The following PWWP2A variants were observed in gnomAD, a reference collection of about 807,000 sequenced individuals.
PWWP2A encodes the protein PWWP domain containing 2A, also known as PWWP domain-containing protein 2A.
A neutral mutation model predicts 48.5 loss-of-function variants in PWWP2A; 18 were observed. That is an observed-to-expected ratio of 0.37 (90% confidence interval 0.26 to 0.55). The LOEUF is 0.55. Among genes scored for constraint, PWWP2A ranks in the 20% least tolerant of loss-of-function variants. The probability of loss-of-function intolerance (pLI) is 0.81; values close to 1 mark genes in which losing one functional copy is unlikely to be tolerated. For missense variants in PWWP2A, 867 were observed against 976.4 expected (o/e 0.89, Z 1.49); for synonymous variants, 396 against 387.7 (o/e 1.02, Z -0.25).
chr5:160,110,796 T>G (rs2431741), intron 1 of PWWP2A, among the ~76,000 whole-genome samples: 1 of 149,840 alleles, frequency 6.7e-6, no homozygotes, highest in South Asian at 2.1e-4. Flanking sequence ...TTTTGGGAGG[T>G]CAAGGCAAGC....
chr5:160,088,327 A>G (rs557680057), downstream of PWWP2A, among the ~76,000 whole-genome samples: 18 of 152,020 alleles, frequency 1.2e-4, no homozygotes, highest in Admixed American at 1.2e-3. Context: ...CAGCCTCTCG[A>G]GTTCAAGCAA....
At chr5:160,075,268 T>G (rs1260498052), downstream of PWWP2A, among the ~76,000 whole-genome samples, 1 of 152,200 alleles carries the variant, frequency 6.6e-6, no homozygotes, top group African/African-American at 2.4e-5. Flanking sequence ...TTACACTCAT[T>G]TAAATAAACT....
downstream of PWWP2A, among the ~76,000 whole-genome samples, chr5:160,059,716 A>G (rs2113416554): frequency 6.6e-6 from 1 of 152,352 alleles, no homozygotes; most frequent in East Asian, 1.9e-4. Flanking sequence ...CATTTCAGTT[A>G]GCTGTCTTAT....
chr5:160,054,576 G>A, the PWWP2A span, among the ~76,000 whole-genome samples: 2 of 151,586 alleles, frequency 1.3e-5, no homozygotes, highest in Non-Finnish European at 2.9e-5. Flanking sequence ...ACCAGCCTGG[G>A]CAACAGAGCC....
chr5:160,045,520 A>ACTCT, the PWWP2A span, among the ~76,000 whole-genome samples: 569 of 54,840 alleles, frequency 0.01, 31 homozygotes, highest in African/African-American at 0.032. Flanking sequence ...ACACATACAC[A>ACTCT]CTCTCTCTCT....
At chr5:160,087,584 TA>T (rs1754738606), downstream of PWWP2A, among the ~76,000 whole-genome samples, 1 of 152,182 alleles carries the variant, frequency 6.6e-6, no homozygotes, top group African/African-American at 2.4e-5. Flanking sequence ...CATCCTAATT[TA>T]AAAAATTTCT....
intron 1 of PWWP2A, among the ~76,000 whole-genome samples, chr5:160,098,867 C>A (rs1755958616): frequency 6.6e-6 from 1 of 152,242 alleles, no homozygotes; most frequent in East Asian, 1.9e-4. Context: ...ACTCAGGAGG[C>A]CGAGGTTGCA....
At chr5:160,067,746 C>G (rs1753648449) in intron 2 of PWWP2A, among the ~76,000 whole-genome samples, 1 of 152,166 alleles carries the variant, frequency 6.6e-6, no homozygotes. Flanking sequence ...TACTTTGCTG[C>G]TTCCAACATT....
At chr5:160,060,747 G>A (rs1017469477), downstream of PWWP2A, among the ~76,000 whole-genome samples, 1 of 152,188 alleles carries the variant, frequency 6.6e-6, no homozygotes, top group African/African-American at 2.4e-5. Flanking sequence ...CTCTCCTGAA[G>A]GCTGTTGCTT....
At chr5:160,104,471 T>C in intron 1 of PWWP2A, among the ~76,000 whole-genome samples, 1 of 151,594 alleles carries the variant, frequency 6.6e-6, no homozygotes, top group Non-Finnish European at 1.5e-5. Context: ...AGTGAAGTCT[T>C]CTGTCTAGTG....
chr5:160,045,546 TCTCTCTCCCC>T, the PWWP2A span, among the ~76,000 whole-genome samples: 1 of 128,218 alleles, frequency 7.8e-6, no homozygotes, highest in Non-Finnish European at 1.6e-5. Context: ...TCTCTCTCTC[TCTCTCTCCCC>T]CTCCCCTCTC....
intron 1 of PWWP2A, chr5:160,108,505 C>A (rs1757125411): frequency 9.8e-7 from 1 of 1,023,354 alleles, no homozygotes; most frequent in South Asian, 1.3e-5. Flanking sequence ...AAGTTCTCAA[C>A]CTGGACACTG....
chr5:160,059,321 G>A (rs1757634187), downstream of PWWP2A, among the ~76,000 whole-genome samples: 1 of 152,198 alleles, frequency 6.6e-6, no homozygotes, highest in South Asian at 2.1e-4. Flanking sequence ...TTTATGTTAT[G>A]GAGATGGCTT....
chr5:160,051,141 CA>C, the PWWP2A span: 1 of 1,604,766 alleles, frequency 6.2e-7, no homozygotes, highest in South Asian at 1.1e-5. Context: ...ATTACCTAAG[CA>C]AATTGAAGAA....
Position 160,093,014 on chromosome 5 carries a change from G to C in PWWP2A, c.1636C>G (p.Pro546Ala). ...EVQDTNEVHV[P>A]GDQDEPQTLG... Reference sequence around the variant, plus strand: ...GTCTGTGGTTCATCCTGATCACCAGGCACATGCACTTCATTTGTGTCCTGA... The same window carrying C: ...GTCTGTGGTTCATCCTGATCACCAGCCACATGCACTTCATTTGTGTCCTGA... Residue 546 changes from proline to alanine, a missense_variant, in exon 2 of 2, where the codon CCT becomes GCT. Coordinates refer to ENST00000307063, the MANE Select transcript of PWWP2A (RefSeq NM_001130864.2). The surrounding 1 kb of genome is among the most constrained non-coding windows in gnomAD (Gnocchi z 5.8). The C allele has an allele frequency of 6.3e-7, 1 of 1,590,462 alleles. No homozygotes were observed. The highest frequency in any genetic ancestry group is 1.1e-5 in the South Asian group (1 of 87,762).
At chr5:160,101,009 T>C (rs1304550546) in intron 1 of PWWP2A, among the ~76,000 whole-genome samples, 3 of 152,136 alleles carry the variant, frequency 2.0e-5, no homozygotes, top group East Asian at 3.8e-4. Context: ...TAGAGATATA[T>C]AGATATACAA....
downstream of PWWP2A, among the ~76,000 whole-genome samples, chr5:160,073,195 T>A (rs558407467): frequency 1.3e-5 from 2 of 151,632 alleles, no homozygotes; most frequent in South Asian, 4.2e-4. Flanking sequence ...CCTACCTCTT[T>A]AGACTAAGGC....
At chr5:160,083,107 A>G (rs558941805) in intron 2 of PWWP2A, among the ~76,000 whole-genome samples, 2 of 152,344 alleles carry the variant, frequency 1.3e-5, no homozygotes, top group Admixed American at 1.3e-4. Context: ...ACAAGCAGGA[A>G]AAGCATCAAC....
At chr5:160,113,256 G>A (rs949635176) in intron 1 of PWWP2A, 3 of 979,554 alleles carry the variant, frequency 3.1e-6, no homozygotes, top group Non-Finnish European at 2.4e-6. Flanking sequence ...AGTTATGTAT[G>A]TCCAGCTCCT....
Sources: gnomAD v4.1 joint callset for allele counts (sites outside exome capture counted in the v4.1 genomes callset) on GRCh38, gnomAD v4.1.1 for gene constraint, Gnocchi (gnomAD v3.1) non-coding constraint, MANE v1.5 for transcripts, NCBI Gene and HGNC (gene_info 2026-07-23, HGNC 2026-07-21) for gene names.